Variants in GLIS3 observed in about 807,000 individuals in gnomAD.
The protein encoded by GLIS3 is GLIS family zinc finger 3, also known as zinc finger protein GLIS3.
GLIS3 carries 53 observed loss-of-function variants against 78.6 expected under a neutral mutation model. The observed-to-expected ratio is 0.67, with a 90% confidence interval of 0.54 to 0.85. GLIS3 has a LOEUF of 0.85. Among genes scored for constraint, GLIS3 ranks in the 40% least tolerant of loss-of-function variants. The pLI is 0.00. For missense variants in GLIS3, 1,703 were observed against 1,231.1 expected (o/e 1.38, Z -5.74); for synonymous variants, 684 against 509.9 (o/e 1.34, Z -4.60).
chr9:4,257,643 G>A (rs10974414), intron 2 of GLIS3, among the ~76,000 whole-genome samples: 2 of 151,670 alleles, frequency 1.3e-5, no homozygotes, highest in African/African-American at 2.4e-5. Context: ...GCACAATCTC[G>A]GCTCACTGCA....
chr9:4,293,350 T>C (rs990584510), intron 1 of GLIS3, among the ~76,000 whole-genome samples: 1 of 152,228 alleles, frequency 6.6e-6, no homozygotes, highest in African/African-American at 2.4e-5. Context: ...AGCATAGTTA[T>C]TGCTTAAAAG....
the GLIS3 span, among the ~76,000 whole-genome samples, chr9:4,462,594 AACACACACACAC>A: frequency 1.6e-3 from 233 of 145,026 alleles, 2 homozygotes; most frequent in South Asian, 8.1e-3. Context: ...CCATCTCTAT[AACACACACACAC>A]ACACACACAC....
At position 3,856,034 on chromosome 9, in the gene GLIS3, A is replaced by G. The variant is rs756573246; in HGVS notation, c.2448T>C (p.Phe816=). 2.5e-6 allele frequency: 4 copies of G among 1,614,074 alleles called. No individual in the cohort carries two copies. The highest frequency in any genetic ancestry group is 3.4e-6 in the Non-Finnish European group (4 of 1,180,006). Residue 816 remains phenylalanine (F), a synonymous_variant, in exon 9 of 11, where the codon TTT becomes TTC. Coordinates refer to ENST00000381971, the MANE Select transcript of GLIS3 (RefSeq NM_001042413.2). Reference sequence around the variant, plus strand: ...CATGGACATGGATACCATTTGGTTGAAAAGAAGAGTTTGTTTCTGGCTGAT... The same window carrying G: ...CATGGACATGGATACCATTTGGTTGGAAAGAAGAGTTTGTTTCTGGCTGAT... ...KSYQPETNSS[F]QPNGIHVHGF...
At chr9:3,965,723 C>T (rs558263130) in intron 4 of GLIS3, among the ~76,000 whole-genome samples, 1 of 152,302 alleles carries the variant, frequency 6.6e-6, no homozygotes, top group East Asian at 1.9e-4. Flanking sequence ...AGGCAGTGAT[C>T]TCTCATTCAG....
intron 2 of GLIS3, among the ~76,000 whole-genome samples, chr9:4,333,326 G>C (rs1054623689): frequency 5.3e-5 from 8 of 150,384 alleles, no homozygotes; most frequent in African/African-American, 2.0e-4. Flanking sequence ...GCAAGGGGAA[G>C]GGAAGGAAAG....
chr9:4,073,699 G>A (rs561495516), intron 4 of GLIS3, among the ~76,000 whole-genome samples: 77 of 152,214 alleles, frequency 5.1e-4, no homozygotes, highest in African/African-American at 1.8e-3. Flanking sequence ...CGCGGCAGTC[G>A]GATTACCTGA....
At chr9:4,315,274 A>G (rs1563930136) in intron 2 of GLIS3, among the ~76,000 whole-genome samples, 1 of 152,102 alleles carries the variant, frequency 6.6e-6, no homozygotes. Flanking sequence ...CTGACCCAAC[A>G]TGATGTTGAG....
At position 3,827,964 on chromosome 9, in the gene GLIS3, G is replaced by A. The variant is rs1229896273; in HGVS notation, c.*308C>T. ...TTTTCATATGCACATCATTTCACTG[G>A]GGTCCTTTAAGGGTTGACAGCCAGG... is the stretch of plus-strand genomic sequence containing the variant. On this transcript the variant is annotated 3_prime_UTR_variant, in exon 11 of 11. Coordinates refer to ENST00000381971, the MANE Select transcript of GLIS3 (RefSeq NM_001042413.2). The A allele has an allele frequency of 4.9e-6, 2 of 412,020 alleles. No homozygotes were observed. The highest frequency in any genetic ancestry group is 4.1e-5 in the African/African-American group (2 of 49,192). The allele number at this position is 412,020 out of a possible 1,614,324, so 25.5% of individuals were successfully genotyped here.
chr9:4,021,677 G>T (rs769038332), intron 4 of GLIS3, among the ~76,000 whole-genome samples: 1 of 152,190 alleles, frequency 6.6e-6, no homozygotes, highest in East Asian at 1.9e-4. Context: ...TACTGCCACC[G>T]TTCCTCCTGG....
intron 2 of GLIS3, among the ~76,000 whole-genome samples, chr9:4,210,848 A>T (rs73400408): frequency 0.048 from 7,289 of 152,234 alleles, 575 homozygotes; most frequent in African/African-American, 0.17. Context: ...TTGTCCCCCA[A>T]CTTGGAATGT....
intron 4 of GLIS3, among the ~76,000 whole-genome samples, chr9:4,077,310 A>C (rs754808127): frequency 5.9e-5 from 9 of 152,230 alleles, no homozygotes. Flanking sequence ...AAGGCTTTCA[A>C]TTGGCACTGA....
chr9:4,256,675 CT>C (rs1824972241), intron 2 of GLIS3, among the ~76,000 whole-genome samples: 1 of 152,200 alleles, frequency 6.6e-6, no homozygotes, highest in South Asian at 2.1e-4. Flanking sequence ...TTAAAATTCA[CT>C]TTATTGTAGA....
At position 3,828,370 on chromosome 9, in the gene GLIS3, C is replaced by T. The variant is rs780108058; in HGVS notation, c.2695G>A (p.Glu899Lys). 50 of 1,613,628 alleles carry T rather than the reference C, an allele frequency of 3.1e-5. No homozygotes were observed. The highest frequency in any genetic ancestry group is 4.2e-5 in the Non-Finnish European group (49 of 1,180,024). The change falls in exon 11 of 11, where the codon GAG becomes AAG. Residue 899 changes from glutamate to lysine, a missense_variant. Physicochemically the swap from Glu to Lys is moderately conservative, Grantham distance 56 (BLOSUM62 1). Coordinates refer to ENST00000381971, the MANE Select transcript of GLIS3 (RefSeq NM_001042413.2). ...TCTTCAGCCCCGCTGCGGAGAGACT[C>T]CCCAAAGAGGCTCGAGGAACTTGAA... is the stretch of plus-strand genomic sequence containing the variant. ...LPSSSSSLFG[E>K]SLRSGAEDAT...
At chr9:4,027,221 C>T (rs561688489) in intron 4 of GLIS3, among the ~76,000 whole-genome samples, 22 of 152,328 alleles carry the variant, frequency 1.4e-4, no homozygotes, top group African/African-American at 3.4e-4. Flanking sequence ...AACTGAACAA[C>T]GCTTAGCCAT....
At chr9:3,978,107 C>G (rs1455552053) in intron 4 of GLIS3, among the ~76,000 whole-genome samples, 1 of 152,152 alleles carries the variant, frequency 6.6e-6, no homozygotes, top group Non-Finnish European at 1.5e-5. Context: ...AGGGTGAAGC[C>G]CGCTGTAGAA....
rs1586761170 is a variant in GLIS3, at chr9:4,132,068, A to C, written c.389-6127T>G. Among the ~76,000 whole-genome samples the C allele has an allele frequency of 2.0e-5, 3 of 152,132 alleles. No individual in the cohort carries two copies. In the East Asian group the frequency reaches 5.8e-4, roughly 29 times the overall value. On this transcript the variant is annotated intron_variant, in intron 2 of 10. Transcript: ENST00000381971. Reference sequence around the variant, plus strand: ...TTTTTTTTAAAAAAAAAAAAAAACAAAAAACCACATGTCATCACAGAAGAA... The same window carrying C: ...TTTTTTTTAAAAAAAAAAAAAAACACAAAACCACATGTCATCACAGAAGAA...
chr9:4,179,750 A>G (rs557943733), intron 2 of GLIS3, among the ~76,000 whole-genome samples: 7 of 152,106 alleles, frequency 4.6e-5, no homozygotes, highest in African/African-American at 1.7e-4. Flanking sequence ...TCTCTACTAA[A>G]AATTCAAAAA....
At chr9:4,010,331 A>G (rs1821899706) in intron 4 of GLIS3, among the ~76,000 whole-genome samples, 2 of 152,186 alleles carry the variant, frequency 1.3e-5, no homozygotes, top group South Asian at 4.1e-4. Flanking sequence ...GGAAGATGAT[A>G]ACATCAATCA....
chr9:4,040,706 T>C (rs916722288), intron 4 of GLIS3, among the ~76,000 whole-genome samples: 10 of 152,066 alleles, frequency 6.6e-5, no homozygotes, highest in Non-Finnish European at 1.5e-4. Context: ...TTATAAAAGA[T>C]GGAGAAAAGG....
Sources: gnomAD v4.1 joint callset for allele counts (sites outside exome capture counted in the v4.1 genomes callset) on GRCh38, gnomAD v4.1.1 for gene constraint, MANE v1.5 for transcripts, NCBI Gene and HGNC (gene_info 2026-07-23, HGNC 2026-07-21) for gene names.